TXNRD1: variants seen among roughly 807,000 people sequenced by gnomAD.
TXNRD1 encodes thioredoxin reductase 1.
In TXNRD1, 57 loss-of-function variants were observed where a neutral mutation model predicts 80.3. The observed-to-expected ratio is 0.71, with a 90% CI of 0.57 to 0.89. The LOEUF (loss-of-function observed/expected upper bound fraction) is 0.89. Among genes scored for constraint, TXNRD1 ranks in the 40% least tolerant of loss-of-function variants. TXNRD1 has a pLI of 0.00. For missense variants in TXNRD1, 730 were observed against 803.0 expected, an observed-to-expected ratio of 0.91 and a Z score of 1.10; for synonymous variants, 291 against 285.2, an observed-to-expected ratio of 1.02 and a Z score of -0.20.
chr12:104,316,341 C>T (rs2035326970), intron 7 of TXNRD1, among the ~76,000 whole-genome samples: 3 of 151,494 alleles, frequency 2.0e-5, no homozygotes, highest in African/African-American at 7.3e-5. Context: ...TTTAGAGTAC[C>T]CTAGAAACCC....
intron 3 of TXNRD1, 28 bp from the exon 4 acceptor site, chr12:104,288,903 C>A: frequency 6.2e-7 from 1 of 1,613,986 alleles, no homozygotes; most frequent in South Asian, 1.1e-5. Flanking sequence ...GCACCTTACA[C>A]GCTCCGCTCT....
At chr12:104,319,731 G>A (rs2035463601) in intron 9 of TXNRD1, 146 bp downstream of exon 9, 1 of 657,856 alleles carries the variant, frequency 1.5e-6, no homozygotes, top group African/African-American at 1.9e-5. Context: ...GGGTTTGGGA[G>A]AAAGAGAAAA....
intron 3 of TXNRD1, among the ~76,000 whole-genome samples, chr12:104,263,860 T>C (rs914642956): frequency 1.3e-5 from 2 of 152,198 alleles, no homozygotes; most frequent in African/African-American, 4.8e-5. Context: ...TTTATGGCAG[T>C]GTCTCATATC....
At chr12:104,298,461 C>G (rs1452784711) in intron 4 of TXNRD1, among the ~76,000 whole-genome samples, 1 of 152,148 alleles carries the variant, frequency 6.6e-6, no homozygotes, top group Non-Finnish European at 1.5e-5. Flanking sequence ...CGCAGTGGCT[C>G]ACACCTGTAA....
chr12:104,304,006 C>A (rs777753077), intron 4 of TXNRD1: 1 of 1,611,138 alleles, frequency 6.2e-7, no homozygotes, highest in African/African-American at 1.3e-5. Context: ...CCGACGTAGA[C>A]CCAAAGCTCC....
chr12:104,318,630 TAAA>T (rs1052164197), intron 7 of TXNRD1, among the ~76,000 whole-genome samples: 2 of 152,186 alleles, frequency 1.3e-5, no homozygotes, highest in African/African-American at 4.8e-5. Flanking sequence ...CAGAAATCAG[TAAA>T]ATTCAAGTTC....
intron 5 of TXNRD1, 55 bp downstream of exon 5, chr12:104,311,467 A>G (rs2035130662): frequency 6.3e-7 from 1 of 1,588,276 alleles, no homozygotes; most frequent in Non-Finnish European, 8.6e-7. Context: ...TTAGAATATT[A>G]ACATCCCTGA....
chr12:104,315,945 G>C, intron 7 of TXNRD1, 49 bp downstream of exon 7: 1 of 1,564,438 alleles, frequency 6.4e-7, no homozygotes. Flanking sequence ...GGGGGTTTGA[G>C]CTGCAATTTT....
intron 16 of TXNRD1, among the ~76,000 whole-genome samples, chr12:104,344,316 G>A (rs1374499996): frequency 3.3e-5 from 5 of 152,028 alleles, no homozygotes; most frequent in African/African-American, 1.2e-4. Context: ...ATTTTTAATG[G>A]GGGTTGGAGA....
At chr12:104,219,490 G>A (rs140729270) in intron 1 of TXNRD1, among the ~76,000 whole-genome samples, 427 of 152,288 alleles carry the variant, frequency 2.8e-3, no homozygotes, top group African/African-American at 7.5e-3. Context: ...ATAGAGTCTC[G>A]TGGAGAAGAA....
chr12:104,288,757 G>A, intron 3 of TXNRD1, 174 bp from the exon 4 acceptor site: 1 of 1,491,006 alleles, frequency 6.7e-7, no homozygotes, highest in Non-Finnish European at 9.0e-7. Context: ...AAGCTTGATT[G>A]TGAGTTCTAG....
chr12:104,254,644 A>AATATATATATATATATATATAT lies in TXNRD1; in HGVS notation c.243+2967_243+2988dup, dbSNP rs1178469026. Among the ~76,000 whole-genome samples, 19 of 93,616 alleles carry AATATATATATATATATATATAT rather than the reference A, an allele frequency of 2.0e-4. 1 individual carries two copies. The highest frequency in any genetic ancestry group is 3.6e-4 in the South Asian group (1 of 2,816). 61.4% of individuals were successfully genotyped at this position (93,616 alleles called of 152,430 possible). A position where few individuals can be genotyped will look rare whatever the true frequency, so the allele number is the denominator to read the frequency against. On this transcript the variant is annotated intron_variant, in intron 2 of 16. Coordinates refer to ENST00000525566, the MANE Select transcript of TXNRD1 (RefSeq NM_001093771.3). ...CTATGTCTATGGAAAAAAAAAAAAA[A>AATATATATATATATATATATAT]ATATATATATATATATATATATCAG... is the stretch of plus-strand genomic sequence containing the variant.
intron 14 of TXNRD1, 54 bp downstream of exon 14, chr12:104,331,695 G>C: frequency 8.3e-7 from 1 of 1,204,420 alleles, no homozygotes; most frequent in African/African-American, 1.5e-5. Flanking sequence ...TTTTTCTTCA[G>C]AATTTAAAAT....
intron 1 of TXNRD1, among the ~76,000 whole-genome samples, chr12:104,250,100 A>G (rs1017676813): frequency 3.9e-5 from 6 of 152,180 alleles, no homozygotes; most frequent in Non-Finnish European, 8.8e-5. Flanking sequence ...CATGGGCGCT[A>G]CCTTTACATT....
At chr12:104,256,936 G>T (rs2033264631) in intron 2 of TXNRD1, among the ~76,000 whole-genome samples, 1 of 146,654 alleles carries the variant, frequency 6.8e-6, no homozygotes, top group Non-Finnish European at 1.5e-5. Context: ...TACTGTTTTA[G>T]TAGTTAAGTT....
chr12:104,265,987 GT>G (rs1459038554), intron 3 of TXNRD1, among the ~76,000 whole-genome samples: 1 of 150,456 alleles, frequency 6.6e-6, no homozygotes, highest in East Asian at 1.9e-4. Flanking sequence ...ATAATAATAG[GT>G]TTTTAAAAAT....
At chr12:104,236,209 C>T (rs1247363890) in intron 1 of TXNRD1, among the ~76,000 whole-genome samples, 1 of 152,098 alleles carries the variant, frequency 6.6e-6, no homozygotes, top group Non-Finnish European at 1.5e-5. Context: ...CGGCCTAAAC[C>T]AGGGATGGGC....
chr12:104,326,820 A>G (rs2035782872), intron 12 of TXNRD1, among the ~76,000 whole-genome samples: 1 of 149,996 alleles, frequency 6.7e-6, no homozygotes, highest in Non-Finnish European at 1.5e-5. Context: ...TCAATTATAG[A>G]ATTTTAGTTT....
rs553140311 is a variant in TXNRD1 at position 104,318,113 on chromosome 12, C to T, written c.731-800C>T. On this transcript the variant is annotated intron_variant, in intron 7 of 16. Transcript: ENST00000525566. ...GCAGTGAGCCCAGATTGAGCCACTG[C>T]ATTCCAGTCTGGGCAGTCTGGGCAA... Among the ~76,000 whole-genome samples, 3 of 152,360 alleles carry T rather than the reference C, an allele frequency of 2.0e-5. No homozygotes were observed. The South Asian group carries it at 6.2e-4, about 32-fold the overall frequency.
Sources: allele counts gnomAD v4.1 joint callset (sites outside exome capture counted in the v4.1 genomes callset), GRCh38; gene constraint gnomAD v4.1.1; transcripts MANE v1.5; gene names NCBI Gene and HGNC (gene_info 2026-07-23, HGNC 2026-07-21).